SLPI: variants seen among roughly 807,000 people sequenced by gnomAD.
SLPI encodes the protein secretory leukocyte peptidase inhibitor.
A neutral mutation model predicts 14.3 loss-of-function variants in SLPI; 20 were observed. The ratio of observed to expected loss-of-function variants is 1.40; its 90% CI spans 0.99 to 2.04. The LOEUF (loss-of-function observed/expected upper bound fraction) is 2.04. Ranked by LOEUF, SLPI falls within the 30% of genes most tolerant of loss-of-function variation. The pLI, the probability that SLPI is intolerant of heterozygous loss-of-function variation, is 0.00. For missense variants in SLPI, 169 were observed against 159.4 expected (o/e 1.06, Z -0.32); for synonymous variants, 68 against 54.8 (o/e 1.24, Z -1.07).
In SLPI at chr20:45,253,695, G is replaced by A. The variant is rs1264203868; in HGVS notation, c.124C>T (p.Gln42Ter). Residue 42 changes from glutamine (Q) to a stop codon, truncating the protein, a stop_gained, in exon 2 of 4, where the codon CAG becomes TAG. Coordinates refer to ENST00000338380, the MANE Select transcript of SLPI (RefSeq NM_003064.4). LOFTEE classifies it high-confidence loss of function. ...TCAGGTTTCTTGTATCTAAGGCACT[G>A]GGCAGATTTCTTAGGAGGACAGACT... Reference protein sequence around the residue: ...AGVCPPKKSAQCLRYKKPECQ... With the variant: ...AGVCPPKKSA 1.9e-6 allele frequency: 3 copies of A among 1,614,024 alleles called. No individual in the cohort carries two copies. Among genetic ancestry groups the A allele is most frequent in the African/African-American group, 2.7e-5 (2 of 74,914 alleles).
chr20:45,253,338 G>GC (rs1403097442), intron 2 of SLPI, among the ~76,000 whole-genome samples, 187 bp from the exon 3 acceptor site: 2 of 152,082 alleles, frequency 1.3e-5, no homozygotes, highest in Admixed American at 6.5e-5. Context: ...AGAACTTCAG[G>GC]CCCCCCATTG....
At chr20:45,254,373 C>T in intron 1 of SLPI, 86 bp downstream of exon 1, 1 of 1,111,304 alleles carries the variant, frequency 9.0e-7, no homozygotes, top group Non-Finnish European at 1.3e-6. Context: ...GGGATCAGAG[C>T]CTACAGAAGG....
At chr20:45,253,822 A>T (rs1031471142) in intron 1 of SLPI, 89 bp from the exon 2 acceptor site, 1 of 1,218,566 alleles carries the variant, frequency 8.2e-7, no homozygotes, top group Non-Finnish European at 1.2e-6. Context: ...TTTGAGGGGG[A>T]GAGACCCTTA....
At chr20:45,253,253 G>T in intron 2 of SLPI, 102 bp from the exon 3 acceptor site, 1 of 1,348,962 alleles carries the variant, frequency 7.4e-7, no homozygotes, top group Admixed American at 2.0e-5. Context: ...CAGCAGGGGG[G>T]ATCATCCCCT....
At position 45,254,537 on chromosome 20, in the gene SLPI, A is replaced by G; in HGVS notation, c.7T>C (p.Ser3Pro). 6.2e-7 allele frequency: 1 copy of G among 1,613,870 alleles called. No individual in the cohort carries two copies. The highest frequency in any genetic ancestry group is 1.1e-5 in the South Asian group (1 of 91,064). MK[S>P]SGLFPFLVLL... is the part of the protein sequence containing the mutation. ...ACCAGGAAGGGGAAGAGGCCGCTGG[A>G]CTTCATGGTGAAGGCAGGAGTGACT... The change falls in exon 1 of 4, where the codon TCC becomes CCC. Residue 3 changes from serine to proline, a missense_variant. Coordinates refer to ENST00000338380, the MANE Select transcript of SLPI (RefSeq NM_003064.4).
intron 2 of SLPI, 43 bp downstream of exon 2, chr20:45,253,532 C>T (rs1346821091): frequency 6.3e-7 from 1 of 1,585,268 alleles, no homozygotes; most frequent in Non-Finnish European, 8.6e-7. Flanking sequence ...AATGCTGTGT[C>T]CCCAGGCTCA....
chr20:45,252,991 C>T lies in SLPI; in HGVS notation c.394+11G>A. ...TGGAGGGAGCTCAGTGTGCCCTCAT[C>T]CCCTGCTTACCTTTCACAGGGGAAA... is the stretch of plus-strand genomic sequence containing the variant. On this transcript the variant is annotated intron_variant, in intron 3 of 3. Coordinates refer to ENST00000338380, the MANE Select transcript of SLPI (RefSeq NM_003064.4). 2.5e-6 allele frequency: 4 copies of T among 1,612,870 alleles called. No homozygotes were observed. Among genetic ancestry groups the T allele is most frequent in the Non-Finnish European group, 3.4e-6 (4 of 1,179,364 alleles).
chr20:45,253,796 T>A, intron 1 of SLPI, 63 bp from the exon 2 acceptor site: 1 of 1,493,150 alleles, frequency 6.7e-7, no homozygotes. Flanking sequence ...TCATGCCTCC[T>A]GAACAAAGCA....
intron 3 of SLPI, 76 bp downstream of exon 3, chr20:45,252,926 C>T: frequency 6.7e-7 from 1 of 1,497,820 alleles, no homozygotes; most frequent in Non-Finnish European, 9.2e-7. Context: ...GTCCCCCTGC[C>T]CATATGCCTG....
In SLPI at chr20:45,254,399, A is replaced by G. The variant is rs767438659; in HGVS notation, c.85+60T>C. 3.6e-4 allele frequency: 521 copies of G among 1,464,388 alleles called. 2 individuals carry two copies. The highest frequency in any genetic ancestry group is 4.8e-4 in the Non-Finnish European group (498 of 1,047,308). 90.7% of individuals were successfully genotyped at this position (1,464,388 alleles called of 1,614,324 possible). Reference sequence around the variant, plus strand: ...CTACAGAAGGGGACACACCCACACCACAAGGAGACCCCACCTCTGACCCTG... The same window carrying G: ...CTACAGAAGGGGACACACCCACACCGCAAGGAGACCCCACCTCTGACCCTG... On this transcript the variant is annotated intron_variant, in intron 1 of 3. Coordinates refer to ENST00000338380, the MANE Select transcript of SLPI (RefSeq NM_003064.4).
Position 45,253,641 on chromosome 20 carries a change from T to G in SLPI, c.178A>C (p.Lys60Gln), listed in dbSNP as rs1421032861. 1 of 1,614,172 alleles carries G rather than the reference T, an allele frequency of 6.2e-7. No homozygotes were observed. The highest frequency in any genetic ancestry group is 1.7e-5 in the Admixed American group (1 of 60,028). ...CAAGTGTCAGGACAACATCTCTTCTTCCCTGGACACTGCCAGTCACTCTGG... is the reference window on the plus strand; with the variant it reads ...CAAGTGTCAGGACAACATCTCTTCTGCCCTGGACACTGCCAGTCACTCTGG... Reference protein sequence around the residue: ...ECQSDWQCPGKKRCCPDTCGI... With the variant: ...ECQSDWQCPGQKRCCPDTCGI... The change falls in exon 2 of 4, where the codon AAG becomes CAG. Residue 60 changes from lysine to glutamine, a missense_variant. Lys to Gln is a moderately conservative substitution (Grantham distance 53, BLOSUM62 1). Coordinates refer to ENST00000338380, the MANE Select transcript of SLPI (RefSeq NM_003064.4).
chr20:45,253,567 C>G lies in SLPI; in HGVS notation c.244+8G>C. 6.2e-7 allele frequency: 1 copy of G among 1,612,452 alleles called. No individual in the cohort carries two copies. Among genetic ancestry groups the G allele is most frequent in the African/African-American group, 1.3e-5 (1 of 75,028 alleles). On this transcript the variant is annotated splice_region_variant and intron_variant, in intron 2 of 3. Transcript: ENST00000338380. ...ACTCCTCTCTACCCAGTTCCCCGAC[C>G]TGCTTACTTGGGTTTGGGGTGTCAA...
intron 1 of SLPI, among the ~76,000 whole-genome samples, chr20:45,254,201 G>A (rs1460366181): frequency 1.2e-5 from 1 of 86,692 alleles, no homozygotes; most frequent in Admixed American, 9.3e-5. Context: ...CGGAGTATGA[G>A]AGAGAGAGAG....
chr20:45,252,328 G>A lies in SLPI; in HGVS notation c.*87C>T. ...TGTGCCAAGCCTTTCCCCAAAGGAG[G>A]ATATCAGTGGTGGAGCCAAGTCTCA... On this transcript the variant is annotated 3_prime_UTR_variant, in exon 4 of 4. Coordinates refer to ENST00000338380, the MANE Select transcript of SLPI (RefSeq NM_003064.4). 1.5e-6 allele frequency: 2 copies of A among 1,320,786 alleles called. No homozygotes were observed. Among genetic ancestry groups the A allele is most frequent in the Non-Finnish European group, 2.1e-6 (2 of 931,482 alleles). The allele number at this position is 1,320,786 out of a possible 1,614,324, so 81.8% of individuals were successfully genotyped here. A position where few individuals can be genotyped will look rare whatever the true frequency, so the allele number is the denominator to read the frequency against.
rs1984707049 is a variant in SLPI, at chr20:45,253,031, C to T, written c.365G>A (p.Cys122Tyr). The change falls in exon 3 of 4, where the codon TGT becomes TAT. Residue 122 changes from cysteine to tyrosine, a missense_variant. Cys to Tyr is a radical substitution (Grantham distance 194). Coordinates refer to ENST00000338380, the MANE Select transcript of SLPI (RefSeq NM_003064.4). ...KRDLKCCMGM[C>Y]GKSCVSPVKA Reference sequence around the variant, plus strand: ...CACAGGGGAAACGCAGGATTTCCCACACATGCCCATGCAACACTTCAAGTC... The same window carrying T: ...CACAGGGGAAACGCAGGATTTCCCATACATGCCCATGCAACACTTCAAGTC... 4 of 1,614,186 alleles carry T rather than the reference C, an allele frequency of 2.5e-6. No homozygotes were observed. Among genetic ancestry groups the T allele is most frequent in the Middle Eastern group, 1.7e-4 (1 of 6,060 alleles).
chr20:45,252,306 G>T lies in SLPI; in HGVS notation c.*109C>A. Reference sequence around the variant, plus strand: ...GGCACTTCTTGAAAGCCTGCTGTGTGCCAAGCCTTTCCCCAAAGGAGGATA... The same window carrying T: ...GGCACTTCTTGAAAGCCTGCTGTGTTCCAAGCCTTTCCCCAAAGGAGGATA... On this transcript the variant is annotated 3_prime_UTR_variant, in exon 4 of 4. Coordinates refer to ENST00000338380, the MANE Select transcript of SLPI (RefSeq NM_003064.4). 1.9e-6 allele frequency: 2 copies of T among 1,058,952 alleles called. No homozygotes were observed. Among genetic ancestry groups the T allele is most frequent in the Non-Finnish European group, 2.8e-6 (2 of 713,296 alleles). 65.6% of individuals were successfully genotyped at this position (1,058,952 alleles called of 1,614,324 possible).
intron 1 of SLPI, among the ~76,000 whole-genome samples, 170 bp downstream of exon 1, chr20:45,254,289 A>G (rs2145611683): frequency 6.6e-6 from 1 of 151,748 alleles, no homozygotes; most frequent in South Asian, 2.1e-4. Flanking sequence ...CAGAAGCTCA[A>G]ACTGTCACAC....
chr20:45,253,763 G>A (rs768109949), intron 1 of SLPI, 30 bp from the exon 2 acceptor site: 2 of 1,607,230 alleles, frequency 1.2e-6, no homozygotes, highest in Admixed American at 3.4e-5. Context: ...GAGGTCAGGA[G>A]GAGGCTGGGT....
At chr20:45,253,246 C>T (rs1984717052) in intron 2 of SLPI, 95 bp from the exon 3 acceptor site, 4 of 1,440,830 alleles carry the variant, frequency 2.8e-6, no homozygotes, top group Admixed American at 1.9e-5. Flanking sequence ...CCAGCTTCAG[C>T]AGGGGGGATC....
Sources: gnomAD v4.1 joint callset for allele counts (sites outside exome capture counted in the v4.1 genomes callset) on GRCh38, gnomAD v4.1.1 for gene constraint, MANE v1.5 for transcripts, NCBI Gene and HGNC (gene_info 2026-07-23, HGNC 2026-07-21) for gene names.